Variants in GRM7 observed in about 807,000 individuals in gnomAD.
GRM7 encodes the protein metabotropic glutamate receptor 7.
In GRM7, 35 loss-of-function variants were observed where a neutral mutation model predicts 84.5. The ratio of observed to expected loss-of-function variants is 0.41; its 90% CI spans 0.32 to 0.55. The LOEUF is 0.55. Among genes scored for constraint, GRM7 ranks in the 20% least tolerant of loss-of-function variants. The probability of loss-of-function intolerance (pLI) is 0.19; values close to 1 mark genes in which losing one functional copy is unlikely to be tolerated. For missense variants in GRM7, 1,003 were observed against 1,194.6 expected (o/e 0.84, Z 2.36); for synonymous variants, 487 against 455.1 (o/e 1.07, Z -0.89).
At chr3:7,520,907 C>T (rs753562782) in intron 7 of GRM7, among the ~76,000 whole-genome samples, 1 of 152,180 alleles carries the variant, frequency 6.6e-6, no homozygotes, top group African/African-American at 2.4e-5. Context: ...CCCTGCAATA[C>T]ATTTAAAGCT....
chr3:7,003,931 C>T (rs1489547215), intron 1 of GRM7, among the ~76,000 whole-genome samples: 1 of 152,124 alleles, frequency 6.6e-6, no homozygotes, highest in Non-Finnish European at 1.5e-5. Context: ...GCATTGGAGG[C>T]TCTACTTCCT....
intron 5 of GRM7, among the ~76,000 whole-genome samples, chr3:7,426,436 AT>A (rs1696615954): frequency 1.3e-5 from 2 of 151,528 alleles, no homozygotes; most frequent in South Asian, 4.2e-4. Context: ...AGGTGTCTGC[AT>A]TTTTCTTGCC....
intron 2 of GRM7, among the ~76,000 whole-genome samples, chr3:7,163,726 G>T (rs1156316734): frequency 6.6e-6 from 1 of 152,152 alleles, no homozygotes; most frequent in East Asian, 1.9e-4. Context: ...GTGAAGAACT[G>T]GGAGAAATTA....
At chr3:7,646,261 G>A (rs192239663) in intron 8 of GRM7, among the ~76,000 whole-genome samples, 6 of 152,146 alleles carry the variant, frequency 3.9e-5, no homozygotes, top group South Asian at 2.1e-4. Flanking sequence ...GTGCAATCTC[G>A]GCTCACTGCA....
chr3:7,474,877 A>G (rs928431552), intron 7 of GRM7, among the ~76,000 whole-genome samples: 2 of 152,184 alleles, frequency 1.3e-5, no homozygotes, highest in African/African-American at 2.4e-5. Context: ...GCAGGAAAGC[A>G]GGCAGAGATA....
chr3:7,127,044 C>G (rs1407269478), intron 1 of GRM7, among the ~76,000 whole-genome samples: 1 of 152,234 alleles, frequency 6.6e-6, no homozygotes, highest in East Asian at 1.9e-4. Context: ...TGACTAGTAG[C>G]TGAAAACATC....
At chr3:7,405,649 C>T (rs1182114301) in intron 4 of GRM7, among the ~76,000 whole-genome samples, 1 of 152,068 alleles carries the variant, frequency 6.6e-6, no homozygotes, top group Non-Finnish European at 1.5e-5. Context: ...GAGAACGGCT[C>T]TTGTACAAAA....
chr3:7,480,196 G>T (rs1699075414), intron 7 of GRM7, among the ~76,000 whole-genome samples: 1 of 152,184 alleles, frequency 6.6e-6, no homozygotes, highest in Non-Finnish European at 1.5e-5. Flanking sequence ...AGGTGGCAAA[G>T]ATAAGAACTA....
intron 1 of GRM7, among the ~76,000 whole-genome samples, chr3:7,042,135 T>C (rs1487080545): frequency 1.3e-5 from 2 of 152,146 alleles, no homozygotes; most frequent in African/African-American, 2.4e-5. Flanking sequence ...CCCGTTTCCC[T>C]GACTTCTGTG....
intron 1 of GRM7, among the ~76,000 whole-genome samples, chr3:7,106,720 A>G (rs1692660344): frequency 6.6e-6 from 1 of 152,034 alleles, no homozygotes; most frequent in African/African-American, 2.4e-5. Context: ...TGCATTTGTC[A>G]CTACTGCTTT....
chr3:7,318,790 T>G (rs1335259534), intron 4 of GRM7, among the ~76,000 whole-genome samples: 1 of 152,094 alleles, frequency 6.6e-6, no homozygotes, highest in Non-Finnish European at 1.5e-5. Flanking sequence ...AAGGAGGATG[T>G]TTTACATACT....
chr3:6,977,753 T>G (rs544227874), intron 1 of GRM7, among the ~76,000 whole-genome samples: 1 of 152,280 alleles, frequency 6.6e-6, no homozygotes, highest in African/African-American at 2.4e-5. Context: ...TGTTGCCAAA[T>G]GTTGGGCTTA....
chr3:7,206,583 T>C (rs1696247082), intron 2 of GRM7, among the ~76,000 whole-genome samples: 1 of 152,164 alleles, frequency 6.6e-6, no homozygotes, highest in Admixed American at 6.5e-5. Flanking sequence ...AATGGCTACA[T>C]TGTATCATCT....
intron 6 of GRM7, among the ~76,000 whole-genome samples, chr3:7,454,090 ACTCT>A (rs58338960): frequency 0.029 from 4,081 of 140,138 alleles, 107 homozygotes; most frequent in African/African-American, 0.073. Flanking sequence ...CTACACACAC[ACTCT>A]CTCTCTCTCT....
intron 8 of GRM7, among the ~76,000 whole-genome samples, chr3:7,587,536 G>T (rs1304544273): frequency 6.6e-6 from 1 of 152,168 alleles, no homozygotes; most frequent in Non-Finnish European, 1.5e-5. Flanking sequence ...GACGGGTAGA[G>T]GCAAAGCCCC....
intron 1 of GRM7, among the ~76,000 whole-genome samples, chr3:7,048,118 AG>A (rs1696867448): frequency 6.6e-6 from 1 of 151,964 alleles, no homozygotes; most frequent in Non-Finnish European, 1.5e-5. Flanking sequence ...TCTCTATAAA[AG>A]TTTGATTTCC....
chr3:7,333,300 A>T (rs992785911), intron 4 of GRM7, among the ~76,000 whole-genome samples: 1 of 152,196 alleles, frequency 6.6e-6, no homozygotes, highest in African/African-American at 2.4e-5. Context: ...AAGAGGGATC[A>T]AATTACAAGT....
intron 8 of GRM7, among the ~76,000 whole-genome samples, chr3:7,586,380 A>AG (rs1029766984): frequency 1.3e-4 from 20 of 149,038 alleles, no homozygotes; most frequent in African/African-American, 5.0e-4. Context: ...CTTGTACATG[A>AG]GGGGTTTTTT....
At chr3:7,401,062 T>A (rs1410052448) in intron 4 of GRM7, among the ~76,000 whole-genome samples, 1 of 152,162 alleles carries the variant, frequency 6.6e-6, no homozygotes, top group Non-Finnish European at 1.5e-5. Context: ...AGTTGTATAT[T>A]ACATACTTTC....
Sources: gnomAD v4.1 joint callset for allele counts (sites outside exome capture counted in the v4.1 genomes callset) on GRCh38, gnomAD v4.1.1 for gene constraint, MANE v1.5 for transcripts, NCBI Gene and HGNC (gene_info 2026-07-23, HGNC 2026-07-21) for gene names.